ITCH: variants seen among roughly 807,000 people sequenced by gnomAD.
The protein encoded by ITCH is E3 ubiquitin-protein ligase Itchy homolog.
ITCH carries 28 observed loss-of-function variants against 126.8 expected under a neutral mutation model. That is an observed-to-expected ratio of 0.22 (90% confidence interval 0.16 to 0.30). The LOEUF (loss-of-function observed/expected upper bound fraction) is 0.30, where lower values mean the gene tolerates loss of function less well. ITCH is among the 10% of genes least tolerant of loss of function. ITCH has a pLI of 1.00. For missense variants in ITCH, 631 were observed against 1,032.4 expected, an observed-to-expected ratio of 0.61 and a Z score of 5.33; for synonymous variants, 342 against 340.0, an observed-to-expected ratio of 1.01 and a Z score of -0.06.
Position 34,508,865 on chromosome 20 carries a change from G to A in ITCH, c.*1071G>A, listed in dbSNP as rs1441413751. The A allele has an allele frequency of 6.6e-6, 1 of 152,116 alleles. No individual in the cohort carries two copies. The highest frequency in any genetic ancestry group is 2.4e-5 in the African/African-American group (1 of 41,412). The allele number at this position is 152,116 out of a possible 1,614,324, so 9.4% of individuals were successfully genotyped here. ...ACTAGAAAGACTAGAGTGCTTTCTA[G>A]TCCAAATAGAGGTCAGTGAAACAGC... On this transcript the variant is annotated 3_prime_UTR_variant, in exon 25 of 25. Coordinates refer to ENST00000374864, the MANE Select transcript of ITCH (RefSeq NM_031483.7).
rs1381633045 is a variant in ITCH, at chr20:34,462,212, A to T, written c.1415A>T (p.Lys472Ile). 1.1e-5 allele frequency: 17 copies of T among 1,613,754 alleles called. No individual in the cohort carries two copies. The highest frequency in any genetic ancestry group is 6.7e-5 in the African/African-American group (5 of 74,926). The change falls in exon 14 of 25, where the codon AAA (lysine) becomes ATA (isoleucine). Residue 472 changes from lysine to isoleucine, a missense_variant. Around this residue, in one of 4 missense-constraint regions of ITCH, gnomAD observed 390 missense variants for 731.6 expected, o/e 0.53. Transcript: ENST00000374864. ...TTTYIDPRTG[K>I]SALDNGPQIA... is the part of the protein sequence containing the mutation. ...ACCTATATAGATCCCCGCACAGGAA[A>T]ATCTGCCCTGTAAGTTTTCTAAACA...
intron 2 of ITCH, among the ~76,000 whole-genome samples, chr20:34,390,443 C>CTTTTTTTTTTTT (rs546555130): frequency 3.3e-5 from 3 of 90,754 alleles, no homozygotes; most frequent in Non-Finnish European, 4.4e-5. Flanking sequence ...CAAGAATAAT[C>CTTTTTTTTTTTT]TTTTTTTTTT....
At position 34,401,287 on chromosome 20, in the gene ITCH, C is replaced by CT. The variant is rs1380258258; in HGVS notation, c.71-7356dup. 1.6e-4 allele frequency among the ~76,000 whole-genome samples: 24 copies of CT among 151,482 alleles called. 2 individuals carry two copies. In the East Asian group the frequency reaches 2.1e-3, roughly 13 times the overall value. On this transcript the variant is annotated intron_variant, in intron 3 of 24. Transcript: ENST00000374864. ...GAACTCATCTGTGTCTTCTTTTTTT[C>CT]TTTTTTTTGACCGGGAAATTTTTTT...
chr20:34,400,314 C>T (rs1441846929), intron 3 of ITCH, among the ~76,000 whole-genome samples: 1 of 152,058 alleles, frequency 6.6e-6, no homozygotes, highest in African/African-American at 2.4e-5. Flanking sequence ...AAGTGATGCT[C>T]CCAGCCTTTC....
At chr20:34,398,541 G>A (rs936021109) in intron 3 of ITCH, among the ~76,000 whole-genome samples, 6 of 151,370 alleles carry the variant, frequency 4.0e-5, no homozygotes, top group African/African-American at 1.5e-4. Context: ...TGGGATTACA[G>A]GCACCCGCCA....
chr20:34,484,164 G>T (rs1988954019), intron 20 of ITCH, among the ~76,000 whole-genome samples: 1 of 152,114 alleles, frequency 6.6e-6, no homozygotes, highest in Non-Finnish European at 1.5e-5. Context: ...ATAAGGTTGG[G>T]TAAAATTTAT....
At chr20:34,501,503 C>T (rs749954614) in intron 23 of ITCH, among the ~76,000 whole-genome samples, 3 of 152,146 alleles carry the variant, frequency 2.0e-5, no homozygotes, top group Admixed American at 6.5e-5. Flanking sequence ...GGGCTGAGTG[C>T]GGTGGCTCAC....
intron 11 of ITCH, among the ~76,000 whole-genome samples, chr20:34,448,068 C>T (rs574863354): frequency 2.0e-5 from 3 of 152,082 alleles, no homozygotes; most frequent in Non-Finnish European, 4.4e-5. Flanking sequence ...GATTCTTTAC[C>T]ACATGTCATA....
At chr20:34,371,732 A>G (rs1050627326) in intron 2 of ITCH, among the ~76,000 whole-genome samples, 1 of 152,212 alleles carries the variant, frequency 6.6e-6, no homozygotes, top group South Asian at 2.1e-4. Context: ...TTTCATCTCA[A>G]GCTCACAAAG....
intron 3 of ITCH, among the ~76,000 whole-genome samples, chr20:34,399,284 C>T (rs533901739): frequency 1.7e-4 from 26 of 150,542 alleles, no homozygotes; most frequent in African/African-American, 4.4e-4. Flanking sequence ...TCCAGCTACT[C>T]GGGGGGCTGA....
intron 7 of ITCH, among the ~76,000 whole-genome samples, chr20:34,429,979 G>A (rs1431386816): frequency 6.6e-6 from 1 of 152,176 alleles, no homozygotes; most frequent in Non-Finnish European, 1.5e-5. Context: ...AGAAACACAG[G>A]TTGTTTTGTA....
chr20:34,394,270 AG>A (rs1429352395), intron 3 of ITCH, among the ~76,000 whole-genome samples: 1 of 151,644 alleles, frequency 6.6e-6, no homozygotes, highest in Non-Finnish European at 1.5e-5. Flanking sequence ...GTTACATGTC[AG>A]GTGCTCAATT....
chr20:34,429,936 T>C (rs1216625803), intron 7 of ITCH, among the ~76,000 whole-genome samples: 1 of 152,094 alleles, frequency 6.6e-6, no homozygotes, highest in Non-Finnish European at 1.5e-5. Context: ...GAAGAAGGAA[T>C]TCTAAATGGA....
chr20:34,396,039 T>A (rs112683933), intron 3 of ITCH, among the ~76,000 whole-genome samples: 22 of 150,304 alleles, frequency 1.5e-4, no homozygotes, highest in South Asian at 4.2e-4. Context: ...ATTATTATTT[T>A]TTTTTTTTTT....
intron 16 of ITCH, chr20:34,476,181 TG>T (rs1988199302): frequency 1.2e-6 from 1 of 801,356 alleles, no homozygotes; most frequent in Non-Finnish European, 2.3e-6. Context: ...CATCAATATC[TG>T]GATTATTTTC....
At chr20:34,406,470 G>A (rs2146135080) in intron 3 of ITCH, among the ~76,000 whole-genome samples, 1 of 151,950 alleles carries the variant, frequency 6.6e-6, no homozygotes, top group Admixed American at 6.6e-5. Context: ...GAGTTTCAGG[G>A]CCACCACCTG....
intron 23 of ITCH, among the ~76,000 whole-genome samples, chr20:34,493,579 A>C (rs929592600): frequency 6.6e-6 from 1 of 152,226 alleles, no homozygotes; most frequent in African/African-American, 2.4e-5. Flanking sequence ...AGCTTAATAG[A>C]AAATGAAGTA....
chr20:34,507,015 G>T (rs955139371), intron 24 of ITCH, among the ~76,000 whole-genome samples: 3 of 152,126 alleles, frequency 2.0e-5, no homozygotes, highest in African/African-American at 4.8e-5. Flanking sequence ...TGTTTATGCT[G>T]CTATAAACAT....
chr20:34,480,761 A>C, intron 19 of ITCH, 29 bp downstream of exon 19: 1 of 1,513,002 alleles, frequency 6.6e-7, no homozygotes, highest in African/African-American at 1.4e-5. Context: ...GTAATTTATT[A>C]AAATATAGTT....
Sources: gnomAD v4.1 joint callset for allele counts (sites outside exome capture counted in the v4.1 genomes callset) on GRCh38, gnomAD v4.1.1 for gene constraint, gnomAD v4.1.1 regional missense constraint, MANE v1.5 for transcripts, NCBI Gene and HGNC (gene_info 2026-07-23, HGNC 2026-07-21) for gene names.